The following DPYD variants were observed in gnomAD, a reference collection of about 807,000 sequenced individuals.
The protein encoded by DPYD is dihydropyrimidine dehydrogenase [NADP(+)].
DPYD carries 109 observed loss-of-function variants against 116.2 expected under a neutral mutation model. That is an observed-to-expected ratio of 0.94 (90% CI 0.80 to 1.10). The LOEUF (loss-of-function observed/expected upper bound fraction) is 1.10, where lower values mean the gene tolerates loss of function less well. DPYD is among the 50% of genes least tolerant of loss of function. DPYD has a pLI of 0.00. For synonymous variants in DPYD, 440 were observed against 432.0 expected, an observed-to-expected ratio of 1.02 and a Z score of -0.23; for missense variants, 1,302 against 1,254.5, an observed-to-expected ratio of 1.04 and a Z score of -0.57.
At chr1:97,746,345 A>T (rs1218490528) in intron 3 of DPYD, among the ~76,000 whole-genome samples, 2 of 152,106 alleles carry the variant, frequency 1.3e-5, no homozygotes, top group Non-Finnish European at 2.9e-5. Flanking sequence ...TATTCTTATT[A>T]AAAATTAAAT....
At chr1:97,464,195 C>T (rs1677175211) in intron 13 of DPYD, among the ~76,000 whole-genome samples, 1 of 151,480 alleles carries the variant, frequency 6.6e-6, no homozygotes, top group Non-Finnish European at 1.5e-5. Context: ...GCTGAGATTG[C>T]ACCACTGCAC....
At chr1:97,861,123 C>CAAAGAGATGCAA (rs1671091824) in intron 2 of DPYD, among the ~76,000 whole-genome samples, 1 of 151,810 alleles carries the variant, frequency 6.6e-6, no homozygotes, top group Admixed American at 6.6e-5. Context: ...TCTCAAAATA[C>CAAAGAGATGCAA]ACCGCAAAAA....
At chr1:97,688,494 A>T (rs1434901256) in intron 7 of DPYD, among the ~76,000 whole-genome samples, 2 of 152,114 alleles carry the variant, frequency 1.3e-5, no homozygotes, top group Non-Finnish European at 2.9e-5. Context: ...AAAAATGGTC[A>T]TAGTTCTATT....
At chr1:97,121,086 TTA>T (rs1330195161) in intron 20 of DPYD, among the ~76,000 whole-genome samples, 1 of 152,164 alleles carries the variant, frequency 6.6e-6, no homozygotes, top group African/African-American at 2.4e-5. Flanking sequence ...GGATAGAAAC[TTA>T]ATTTACTCTG....
intron 10 of DPYD, among the ~76,000 whole-genome samples, chr1:97,579,333 T>A (rs1478573937): frequency 6.6e-6 from 1 of 152,146 alleles, no homozygotes; most frequent in African/African-American, 2.4e-5. Context: ...ACATTCAAAT[T>A]AAGGAAAGTA....
At chr1:97,132,863 CA>C (rs939243236) in intron 20 of DPYD, among the ~76,000 whole-genome samples, 2 of 152,000 alleles carry the variant, frequency 1.3e-5, no homozygotes, top group Non-Finnish European at 2.9e-5. Context: ...AGAGTTAATT[CA>C]AATACTTTAA....
At chr1:97,374,251 CTTAA>C (rs960672869) in intron 15 of DPYD, among the ~76,000 whole-genome samples, 6 of 152,092 alleles carry the variant, frequency 3.9e-5, no homozygotes, top group African/African-American at 1.4e-4. Flanking sequence ...ATAGTTTTGT[CTTAA>C]TTACTTAATA....
At position 97,872,159 on chromosome 1, in the gene DPYD, GC is replaced by G. The variant is rs548958949; in HGVS notation, c.150+11104del. Among the ~76,000 whole-genome samples, 530 of 151,970 alleles carry G rather than the reference GC, an allele frequency of 3.5e-3. 5 individuals carry two copies. Among genetic ancestry groups the G allele is most frequent in the African/African-American group, 0.012 (511 of 41,500 alleles). ...CTGAGCTCTTTGGGTTCCACTGCCT[GC>G]CCTCATAAAAACCCAACCTCAAAGA... is the stretch of plus-strand genomic sequence containing the variant. On this transcript the variant is annotated intron_variant, in intron 2 of 22. Transcript: ENST00000370192.
chr1:97,779,379 TAA>T (rs1380683627), intron 3 of DPYD, among the ~76,000 whole-genome samples: 1 of 151,716 alleles, frequency 6.6e-6, no homozygotes, highest in African/African-American at 2.4e-5. Flanking sequence ...ACAGGGAAAA[TAA>T]AGACTAAAAT....
chr1:97,843,454 G>T (rs1423073552), intron 2 of DPYD, among the ~76,000 whole-genome samples: 1 of 152,162 alleles, frequency 6.6e-6, no homozygotes, highest in Admixed American at 6.5e-5. Flanking sequence ...TAATCTGATT[G>T]TCTGGCCCAA....
chr1:97,379,586 C>T (rs993341168), intron 15 of DPYD, among the ~76,000 whole-genome samples: 1 of 152,180 alleles, frequency 6.6e-6, no homozygotes, highest in African/African-American at 2.4e-5. Flanking sequence ...TCCACTGAGC[C>T]TGTCAAAGTG....
intron 16 of DPYD, among the ~76,000 whole-genome samples, chr1:97,365,406 C>T (rs1363819103): frequency 3.9e-5 from 6 of 152,198 alleles, no homozygotes; most frequent in Non-Finnish European, 8.8e-5. Flanking sequence ...TGAACTAAGA[C>T]CATAGCCTCT....
At chr1:97,085,119 AT>A (rs1439070662) in intron 21 of DPYD, among the ~76,000 whole-genome samples, 2 of 152,226 alleles carry the variant, frequency 1.3e-5, no homozygotes, top group African/African-American at 4.8e-5. Context: ...AGAGGTCACT[AT>A]CTGGCTGTAA....
At chr1:97,661,254 C>T (rs1659239410) in intron 8 of DPYD, among the ~76,000 whole-genome samples, 1 of 152,130 alleles carries the variant, frequency 6.6e-6, no homozygotes, top group African/African-American at 2.4e-5. Flanking sequence ...AGAGGGTAAA[C>T]ATAAATCCCA....
chr1:97,098,053 C>G (rs1464482013), intron 21 of DPYD, among the ~76,000 whole-genome samples: 1 of 152,084 alleles, frequency 6.6e-6, no homozygotes, highest in Admixed American at 6.6e-5. Context: ...TCCAGGCTTT[C>G]CAGAGGCCAA....
chr1:97,376,440 C>T (rs1455689314), intron 15 of DPYD, among the ~76,000 whole-genome samples: 2 of 152,144 alleles, frequency 1.3e-5, no homozygotes, highest in African/African-American at 4.8e-5. Flanking sequence ...CAAATGCCCA[C>T]TCACCAAACA....
intron 3 of DPYD, among the ~76,000 whole-genome samples, chr1:97,790,372 T>C: frequency 6.6e-6 from 1 of 152,178 alleles, no homozygotes; most frequent in Non-Finnish European, 1.5e-5. Context: ...TAATAGTTAT[T>C]TCTTAAACAT....
chr1:97,266,568 T>C (rs1444571405), intron 18 of DPYD, among the ~76,000 whole-genome samples: 2 of 152,162 alleles, frequency 1.3e-5, no homozygotes, highest in Admixed American at 1.3e-4. Flanking sequence ...CTAGGGTACA[T>C]GTGCACAACG....
chr1:97,548,010 A>C (rs1651031119), intron 12 of DPYD, among the ~76,000 whole-genome samples: 1 of 152,184 alleles, frequency 6.6e-6, no homozygotes, highest in Non-Finnish European at 1.5e-5. Context: ...AAACATGAGA[A>C]GGACAACTAG....
Sources: gnomAD v4.1 joint callset for allele counts (sites outside exome capture counted in the v4.1 genomes callset) on GRCh38, gnomAD v4.1.1 for gene constraint, MANE v1.5 for transcripts, NCBI Gene and HGNC (gene_info 2026-07-23, HGNC 2026-07-21) for gene names.